The following OSBPL6 variants were observed in gnomAD, a reference collection of about 807,000 sequenced individuals.
The protein encoded by OSBPL6 is oxysterol-binding protein-related protein 6.
A neutral mutation model predicts 125.8 loss-of-function variants in OSBPL6; 49 were observed. The observed-to-expected ratio is 0.39, with a 90% CI of 0.31 to 0.49. The LOEUF (loss-of-function observed/expected upper bound fraction) is 0.49. Ranked by LOEUF, OSBPL6 falls within the 20% of genes least tolerant of loss-of-function variation. OSBPL6 has a pLI of 0.88. For missense variants in OSBPL6, 986 were observed against 1,135.4 expected (o/e 0.87, Z 1.89); for synonymous variants, 394 against 391.8 (o/e 1.01, Z -0.07).
intron 12 of OSBPL6, among the ~76,000 whole-genome samples, chr2:178,358,560 A>C (rs1324308971): frequency 6.6e-6 from 1 of 152,184 alleles, no homozygotes; most frequent in Non-Finnish European, 1.5e-5. Flanking sequence ...AAAAGAATGA[A>C]ATTGGACCCT....
chr2:178,213,211 C>G (rs149527484), intron 1 of OSBPL6, among the ~76,000 whole-genome samples: 40 of 152,180 alleles, frequency 2.6e-4, no homozygotes, highest in African/African-American at 8.9e-4. Context: ...AGTCTTCTCA[C>G]TCCATACTGC....
intron 1 of OSBPL6, among the ~76,000 whole-genome samples, chr2:178,213,024 G>A (rs557542211): frequency 7.9e-5 from 12 of 152,170 alleles, no homozygotes; most frequent in African/African-American, 2.4e-4. Flanking sequence ...GATCAGGCTG[G>A]TCTCGAACTC....
intron 3 of OSBPL6, among the ~76,000 whole-genome samples, chr2:178,309,906 T>C (rs1001829217): frequency 6.6e-6 from 1 of 152,226 alleles, no homozygotes; most frequent in South Asian, 2.1e-4. Context: ...ACTTGAGATG[T>C]TGTATTAAAA....
intron 17 of OSBPL6, 52 bp from the exon 18 acceptor site, chr2:178,383,987 A>T (rs1012139271): frequency 9.5e-6 from 15 of 1,585,052 alleles, no homozygotes; most frequent in African/African-American, 1.3e-5. Context: ...GAACAAACAG[A>T]CCCAGCAGTC....
intron 1 of OSBPL6, among the ~76,000 whole-genome samples, chr2:178,196,175 G>A (rs543984581): frequency 1.1e-4 from 17 of 152,294 alleles, no homozygotes; most frequent in Non-Finnish European, 2.4e-4. Context: ...TCCCAAGGTC[G>A]AAGGGAAGCT....
intron 13 of OSBPL6, 82 bp from the exon 14 acceptor site, chr2:178,372,044 T>C: frequency 9.8e-7 from 1 of 1,019,746 alleles, no homozygotes; most frequent in Non-Finnish European, 1.5e-6. Flanking sequence ...GACATTATTG[T>C]CTAACTTGTA....
chr2:178,273,053 G>A (rs1476058508), intron 1 of OSBPL6, among the ~76,000 whole-genome samples: 1 of 152,174 alleles, frequency 6.6e-6, no homozygotes, highest in South Asian at 2.1e-4. Flanking sequence ...TGAAAAGGAT[G>A]GGATTTAGAC....
intron 1 of OSBPL6, among the ~76,000 whole-genome samples, chr2:178,198,094 GT>G (rs1279043723): frequency 6.6e-6 from 1 of 152,180 alleles, no homozygotes; most frequent in African/African-American, 2.4e-5. Context: ...TATACACTAA[GT>G]TTAGGGAACA....
chr2:178,377,913 C>T (rs1280747117), intron 15 of OSBPL6, among the ~76,000 whole-genome samples: 1 of 152,166 alleles, frequency 6.6e-6, no homozygotes, highest in Non-Finnish European at 1.5e-5. Context: ...ACTGTAATCT[C>T]CACCTCCTGG....
At chr2:178,238,713 A>G (rs1395436435) in intron 1 of OSBPL6, among the ~76,000 whole-genome samples, 6 of 152,198 alleles carry the variant, frequency 3.9e-5, no homozygotes, top group Admixed American at 6.5e-5. Context: ...AAGGTTGTGG[A>G]TGGAAGACAA....
At chr2:178,344,204 C>A in intron 11 of OSBPL6, 1 of 1,254,918 alleles carries the variant, frequency 8.0e-7, no homozygotes, top group African/African-American at 1.5e-5. Context: ...CTCTCCTTGT[C>A]TGATTATCTT....
intron 4 of OSBPL6, 72 bp from the exon 5 acceptor site, chr2:178,328,184 C>A: frequency 6.3e-7 from 1 of 1,588,636 alleles, no homozygotes; most frequent in East Asian, 2.2e-5. Context: ...GCAACTTCTA[C>A]TTAAGAATCT....
At chr2:178,289,605 C>A (rs1267983477) in intron 2 of OSBPL6, among the ~76,000 whole-genome samples, 1 of 152,168 alleles carries the variant, frequency 6.6e-6, no homozygotes, top group East Asian at 1.9e-4. Context: ...ATTCCATATT[C>A]AAATTTCCCT....
Position 178,383,060 on chromosome 2 carries a change from A to G in OSBPL6, c.1658A>G (p.Asn553Ser). 1 of 1,614,186 alleles carries G rather than the reference A, an allele frequency of 6.2e-7. No homozygotes were observed. Among genetic ancestry groups the G allele is most frequent in the Non-Finnish European group, 8.5e-7 (1 of 1,180,038 alleles). ...GAGCTTACAGGAGGGGCCTTCCGAA[A>G]TGGGCGTCGAGCATGCCTGCCAGCT... Reference protein sequence around the residue: ...NGELTGGAFRNGRRACLPAPC... With the variant: ...NGELTGGAFRSGRRACLPAPC... Residue 553 changes from asparagine to serine, a missense_variant, in exon 17 of 25, where the codon AAT becomes AGT. Coordinates refer to ENST00000190611, the MANE Select transcript of OSBPL6 (RefSeq NM_032523.4).
At chr2:178,213,674 G>A (rs1161436410) in intron 1 of OSBPL6, among the ~76,000 whole-genome samples, 1 of 152,210 alleles carries the variant, frequency 6.6e-6, no homozygotes, top group Admixed American at 6.5e-5. Flanking sequence ...TGCAGTTGCT[G>A]TCAGTTATTT....
rs1300087261 is a variant in OSBPL6 at position 178,339,708 on chromosome 2, G to A, written c.931G>A (p.Val311Ile). The change falls in exon 11 of 25, where the codon GTC becomes ATC. Residue 311 changes from valine (V) to isoleucine (I), a missense_variant. By Grantham distance (29) the Val-to-Ile change is conservative. This residue lies in a region of OSBPL6 where 843 missense variants were observed against 997.3 expected (regional missense o/e 0.85). Coordinates refer to ENST00000190611, the MANE Select transcript of OSBPL6 (RefSeq NM_032523.4). ...AGATATTTCAAAGAAAGACAAGCGGGTCACAAGACGATGGAGAACAAAAAG... is the reference window on the plus strand; with the variant it reads ...AGATATTTCAAAGAAAGACAAGCGGATCACAAGACGATGGAGAACAAAAAG... ...CVDISKKDKRVTRRWRTKSVS... is the reference protein window; with the variant it reads ...CVDISKKDKRITRRWRTKSVS... The A allele has an allele frequency of 1.2e-6, 2 of 1,605,256 alleles. No homozygotes were observed. Among genetic ancestry groups the A allele is most frequent in the African/African-American group, 2.7e-5 (2 of 74,346 alleles).
At chr2:178,381,511 A>T (rs188458384) in intron 15 of OSBPL6, among the ~76,000 whole-genome samples, 14 of 151,890 alleles carry the variant, frequency 9.2e-5, no homozygotes, top group African/African-American at 2.9e-4. Context: ...ATGCCACCAC[A>T]CCCGGCTAAT....
intron 8 of OSBPL6, among the ~76,000 whole-genome samples, chr2:178,335,987 A>T (rs3813253): frequency 1.3e-5 from 2 of 152,042 alleles, no homozygotes; most frequent in Non-Finnish European, 2.9e-5. Context: ...CAGTAAGGAC[A>T]CTGCAAATAC....
chr2:178,300,246 G>A (rs183040774), intron 2 of OSBPL6, among the ~76,000 whole-genome samples: 8 of 152,254 alleles, frequency 5.3e-5, no homozygotes, highest in East Asian at 1.9e-4. Context: ...AAGTGGCAGC[G>A]TTCCAAGGGA....
Sources: allele counts gnomAD v4.1 joint callset (sites outside exome capture counted in the v4.1 genomes callset), GRCh38; gene constraint gnomAD v4.1.1; regional missense constraint gnomAD v4.1.1; transcripts MANE v1.5; gene names NCBI Gene and HGNC (gene_info 2026-07-23, HGNC 2026-07-21).